The following SEMA5A variants were observed in gnomAD, a reference collection of about 807,000 sequenced individuals.
SEMA5A encodes semaphorin 5A.
A neutral mutation model predicts 135.5 loss-of-function variants in SEMA5A; 55 were observed. The observed-to-expected ratio is 0.41, with a 90% CI of 0.33 to 0.51. The LOEUF (loss-of-function observed/expected upper bound fraction) is 0.51, where lower values mean the gene tolerates loss of function less well. SEMA5A is among the 20% of genes least tolerant of loss of function. The pLI, the probability that SEMA5A is intolerant of heterozygous loss-of-function variation, is 0.37. For synonymous variants in SEMA5A, 580 were observed against 546.5 expected (o/e 1.06, Z -0.85); for missense variants, 1,290 against 1,419.9 (o/e 0.91, Z 1.47).
intron 11 of SEMA5A, among the ~76,000 whole-genome samples, chr5:9,174,727 G>A (rs1255967822): frequency 6.6e-6 from 1 of 152,096 alleles, no homozygotes; most frequent in African/African-American, 2.4e-5. Flanking sequence ...TCAAAGCCAA[G>A]GCAGAAAAAA....
chr5:9,450,457 C>A (rs1758600560), intron 1 of SEMA5A, among the ~76,000 whole-genome samples: 9 of 152,062 alleles, frequency 5.9e-5, no homozygotes, highest in Admixed American at 5.9e-4. Context: ...AGCAATTCTG[C>A]AGTCATTGAT....
chr5:9,474,267 G>A (rs1759587702), intron 1 of SEMA5A, among the ~76,000 whole-genome samples: 1 of 152,090 alleles, frequency 6.6e-6, no homozygotes, highest in African/African-American at 2.4e-5. Flanking sequence ...CCCAGCTGAG[G>A]CCAGGTGCAA....
At chr5:9,543,949 C>A (rs1267892765) in intron 1 of SEMA5A, among the ~76,000 whole-genome samples, 4 of 151,956 alleles carry the variant, frequency 2.6e-5, no homozygotes, top group African/African-American at 9.7e-5. Flanking sequence ...TTATACATAA[C>A]TTAATGGTAT....
intron 5 of SEMA5A, among the ~76,000 whole-genome samples, chr5:9,272,866 T>C (rs956553848): frequency 2.0e-5 from 3 of 152,094 alleles, no homozygotes; most frequent in Non-Finnish European, 4.4e-5. Context: ...GGTCACTGAC[T>C]TCAAAGACCA....
chr5:9,197,784 GT>G (rs762751857), intron 9 of SEMA5A, among the ~76,000 whole-genome samples: 1 of 108,646 alleles, frequency 9.2e-6, no homozygotes, highest in Admixed American at 1.1e-4. Context: ...GTGTGTGTGT[GT>G]TTTAACCCAG....
At chr5:9,043,280 AAGAAAATCTAAATCTAAATCTCT>A in intron 22 of SEMA5A, 1 of 332,166 alleles carries the variant, frequency 3.0e-6, no homozygotes, top group Admixed American at 4.5e-5. Flanking sequence ...AGCAGGAGGT[AAGAAAATCTAAATCTAAATCTCT>A]AGAAAACCTA....
At chr5:9,145,192 T>A (rs1215167680) in intron 12 of SEMA5A, among the ~76,000 whole-genome samples, 1 of 152,192 alleles carries the variant, frequency 6.6e-6, no homozygotes, top group Non-Finnish European at 1.5e-5. Context: ...GAACTGAGTA[T>A]AGTATTAAAA....
intron 16 of SEMA5A, among the ~76,000 whole-genome samples, chr5:9,094,588 T>G (rs912211301): frequency 6.6e-6 from 1 of 152,230 alleles, no homozygotes; most frequent in Non-Finnish European, 1.5e-5. Flanking sequence ...TCTTTTGAGT[T>G]TGAGAGGCTT....
intron 5 of SEMA5A, among the ~76,000 whole-genome samples, chr5:9,306,998 G>T (rs966681966): frequency 8.5e-5 from 13 of 152,292 alleles, no homozygotes; most frequent in African/African-American, 3.1e-4. Flanking sequence ...GTATAGTCAT[G>T]CCTAATTTCG....
At chr5:9,198,190 A>G (rs1029574455) in intron 9 of SEMA5A, among the ~76,000 whole-genome samples, 20 of 152,332 alleles carry the variant, frequency 1.3e-4, no homozygotes, top group Admixed American at 9.8e-4. Flanking sequence ...CTTTTCCTGC[A>G]TCAAAGGAAA....
At chr5:9,516,212 T>C (rs1736504487) in intron 1 of SEMA5A, among the ~76,000 whole-genome samples, 1 of 151,982 alleles carries the variant, frequency 6.6e-6, no homozygotes, top group African/African-American at 2.4e-5. Flanking sequence ...CATACATACC[T>C]CTGCACACGT....
chr5:9,043,704 A>T (rs1353759122), intron 22 of SEMA5A, among the ~76,000 whole-genome samples: 1 of 152,232 alleles, frequency 6.6e-6, no homozygotes, highest in African/African-American at 2.4e-5. Flanking sequence ...TTCTAGAAGG[A>T]TTCGTTAAAG....
rs577730663 is a variant in SEMA5A at position 9,093,580 on chromosome 5, G to A, written c.2073+14560C>T. Among the ~76,000 whole-genome samples the A allele has an allele frequency of 3.9e-4, 60 of 152,164 alleles. 1 individual carries two copies. The highest frequency in any genetic ancestry group is 1.1e-3 in the African/African-American group (45 of 41,536). On this transcript the variant is annotated intron_variant, in intron 16 of 22. Transcript: ENST00000382496. ...AAGTTAGCTGGGCCTGGTGGCGCAC[G>A]CCTGTAGTCCCATCTACTCGGGAGG...
chr5:9,460,400 C>G (rs1759010701), intron 1 of SEMA5A, among the ~76,000 whole-genome samples: 1 of 152,020 alleles, frequency 6.6e-6, no homozygotes, highest in Admixed American at 6.5e-5. Flanking sequence ...AAGTCTATTT[C>G]AACAGATTAA....
intron 5 of SEMA5A, among the ~76,000 whole-genome samples, chr5:9,280,297 C>G (rs1199173814): frequency 1.3e-5 from 2 of 152,154 alleles, no homozygotes; most frequent in African/African-American, 4.8e-5. Flanking sequence ...AGCACATGAT[C>G]CCTATTGATC....
At chr5:9,412,443 A>C (rs936686944) in intron 2 of SEMA5A, among the ~76,000 whole-genome samples, 21 of 151,924 alleles carry the variant, frequency 1.4e-4, no homozygotes, top group African/African-American at 4.8e-4. Context: ...ACTGTATATA[A>C]AGTAAATTAT....
intron 1 of SEMA5A, among the ~76,000 whole-genome samples, chr5:9,441,574 T>C (rs1758235297): frequency 1.3e-5 from 2 of 150,960 alleles, no homozygotes; most frequent in African/African-American, 2.4e-5. Context: ...AAAAAGCAAT[T>C]CCACAAAGGT....
chr5:9,178,770 C>T (rs1309556277), intron 11 of SEMA5A, among the ~76,000 whole-genome samples: 2 of 152,168 alleles, frequency 1.3e-5, no homozygotes, highest in South Asian at 2.1e-4. Flanking sequence ...GCCCTTAGTA[C>T]CTATAAAGAC....
At chr5:9,427,168 A>G (rs1208668672) in intron 2 of SEMA5A, among the ~76,000 whole-genome samples, 1 of 152,106 alleles carries the variant, frequency 6.6e-6, no homozygotes, top group African/African-American at 2.4e-5. Flanking sequence ...AACATTAGCC[A>G]GGCATGGTGG....
Sources: gnomAD v4.1 joint callset for allele counts (sites outside exome capture counted in the v4.1 genomes callset) on GRCh38, gnomAD v4.1.1 for gene constraint, MANE v1.5 for transcripts, NCBI Gene and HGNC (gene_info 2026-07-23, HGNC 2026-07-21) for gene names.